The following SP1 variants were observed in gnomAD, a reference collection of about 807,000 sequenced individuals.
SP1 encodes transcription factor Sp1.
A neutral mutation model predicts 66.3 loss-of-function variants in SP1; 6 were observed. The observed-to-expected ratio is 0.09, with a 90% CI of 0.05 to 0.18. The LOEUF is 0.18. Ranked by LOEUF, SP1 falls within the 10% of genes least tolerant of loss-of-function variation. SP1 has a pLI of 1.00. For synonymous variants in SP1, 417 were observed against 360.8 expected (o/e 1.16, Z -1.77); for missense variants, 848 against 964.5 (o/e 0.88, Z 1.60).
At chr12:53,391,169 C>T (rs748217819) in intron 3 of SP1, among the ~76,000 whole-genome samples, 19 of 151,982 alleles carry the variant, frequency 1.3e-4, no homozygotes, top group South Asian at 2.1e-4. Context: ...GAAAGTGTTA[C>T]AATAGTATTA....
intron 3 of SP1, among the ~76,000 whole-genome samples, chr12:53,395,782 A>G (rs946828920): frequency 1.3e-5 from 2 of 151,126 alleles, no homozygotes; most frequent in African/African-American, 4.9e-5. Flanking sequence ...CCTGGCTAAC[A>G]TGGTGAAACC....
rs1271235684 is a variant in SP1, at chr12:53,382,992, A to G, written c.1045A>G (p.Thr349Ala). Residue 349 changes from threonine (T) to alanine (A), a missense_variant, in exon 3 of 6, where the codon ACC (threonine) becomes GCC (alanine). Coordinates refer to ENST00000327443, the MANE Select transcript of SP1 (RefSeq NM_138473.3). ...CTTTACTACCAGTGGATCATCAGGG[A>G]CCAACTCTCAAGGCCAGACACCCCA... is the stretch of plus-strand genomic sequence containing the variant. ...MNFTTSGSSGTNSQGQTPQRV... is the reference protein window; with the variant it reads ...MNFTTSGSSGANSQGQTPQRV... 1 of 1,614,058 alleles carries G rather than the reference A, an allele frequency of 6.2e-7. No individual in the cohort carries two copies. The highest frequency in any genetic ancestry group is 1.7e-5 in the Admixed American group (1 of 59,988).
chr12:53,400,621 C>T (rs945972490), intron 3 of SP1, among the ~76,000 whole-genome samples: 3 of 151,902 alleles, frequency 2.0e-5, no homozygotes, highest in African/African-American at 7.3e-5. Flanking sequence ...TGAGACAGAG[C>T]CTTGCTCCGT....
At chr12:53,380,359 G>GA in intron 1 of SP1, 61 bp downstream of exon 1, 1 of 1,364,472 alleles carries the variant, frequency 7.3e-7, no homozygotes, top group Non-Finnish European at 9.7e-7. Context: ...GCGCGCGAGG[G>GA]CCGACCGGGC....
Position 53,411,083 on chromosome 12 carries a change from G to A in SP1, c.2201G>A (p.Gly734Asp), listed in dbSNP as rs573374075. The A allele has an allele frequency of 1.2e-6, 2 of 1,614,186 alleles. No homozygotes were observed. Among genetic ancestry groups the A allele is most frequent in the South Asian group, 2.2e-5 (2 of 91,078 alleles). ...CTGGACAGTGGGGCAGGTTCAGAAG[G>A]CAGTGGCACTGCCACTCCTTCAGCC... ...LPLDSGAGSEGSGTATPSALI... is the reference protein window; with the variant it reads ...LPLDSGAGSEDSGTATPSALI... Residue 734 changes from glycine to aspartate, a missense_variant, in exon 6 of 6, where the codon GGC (glycine) becomes GAC (aspartate). By Grantham distance (94) the Gly-to-Asp change is moderately conservative. This residue lies in a region of SP1 where 73 missense variants were observed against 91.9 expected (regional missense o/e 0.79). Transcript: ENST00000327443.
At chr12:53,406,912 C>T (rs1188256069) in intron 4 of SP1, among the ~76,000 whole-genome samples, 159 bp downstream of exon 4, 1 of 151,816 alleles carries the variant, frequency 6.6e-6, no homozygotes, top group African/African-American at 2.4e-5. Context: ...GCAAACTCCA[C>T]CTCCTGGGTT....
Position 53,411,704 on chromosome 12 carries a change from G to T in SP1, c.*464G>T, listed in dbSNP as rs1251365746. The T allele has an allele frequency of 6.7e-6, 1 of 149,546 alleles. No individual in the cohort carries two copies. The highest frequency in any genetic ancestry group is 1.9e-4 in the East Asian group (1 of 5,130). The allele number at this position is 149,546 out of a possible 1,614,324, so 9.3% of individuals were successfully genotyped here. On this transcript the variant is annotated 3_prime_UTR_variant, in exon 6 of 6. Transcript: ENST00000327443. Reference sequence around the variant, plus strand: ...GATATATAGAGATGCATTCACAGGGGTTGGCTGGGAGGAGGAAGACCATTC... The same window carrying T: ...GATATATAGAGATGCATTCACAGGGTTTGGCTGGGAGGAGGAAGACCATTC...
At chr12:53,380,904 T>C (rs928448637) in intron 1 of SP1, among the ~76,000 whole-genome samples, 6 of 151,728 alleles carry the variant, frequency 4.0e-5, no homozygotes, top group Non-Finnish European at 8.8e-5. Flanking sequence ...TTTTACTTCT[T>C]TTTCCCCTCT....
Position 53,380,178 on chromosome 12 carries a change from C to T in SP1, c.-114C>T, listed in dbSNP as rs1361659508. 8.1e-6 allele frequency: 6 copies of T among 742,298 alleles called. No homozygotes were observed. Among genetic ancestry groups the T allele is most frequent in the South Asian group, 1.5e-5 (1 of 67,976 alleles). 46.0% of individuals were successfully genotyped at this position (742,298 alleles called of 1,614,324 possible). ...TGGCGCGCTGCTCCCTCCTCCTTAC[C>T]CCCCCCTCCCTGTCCGGTCCGGGTT... is the stretch of plus-strand genomic sequence containing the variant. On this transcript the variant is annotated 5_prime_UTR_variant, in exon 1 of 6. Coordinates refer to ENST00000327443, the MANE Select transcript of SP1 (RefSeq NM_138473.3).
intron 3 of SP1, among the ~76,000 whole-genome samples, chr12:53,385,074 C>A (rs1378163596): frequency 6.6e-6 from 1 of 150,924 alleles, no homozygotes; most frequent in Non-Finnish European, 1.5e-5. Context: ...GTGGGTGGGT[C>A]ACCTGAGGTC....
chr12:53,382,293 G>C lies in SP1; in HGVS notation c.346G>C (p.Ala116Pro). The change falls in exon 3 of 6, where the codon GCT becomes CCT. Residue 116 changes from alanine (A) to proline (P), a missense_variant. This residue lies in a region of SP1 where 606 missense variants were observed against 589.9 expected (regional missense o/e 1.03). Transcript: ENST00000327443. ...GCAGATCATCTCTTCCTCCTCTGGG[G>C]CTACCCCTACCTCAAAGGAACAGAG... ...GWQIISSSSGATPTSKEQSGS... is the reference protein window; with the variant it reads ...GWQIISSSSGPTPTSKEQSGS... 6.2e-7 allele frequency: 1 copy of C among 1,614,154 alleles called. No homozygotes were observed. Among genetic ancestry groups the C allele is most frequent in the Non-Finnish European group, 8.5e-7 (1 of 1,180,008 alleles).
In SP1 at chr12:53,381,280, C is replaced by T. The variant is rs991833118; in HGVS notation, c.8-379C>T. The T allele has an allele frequency of 1.0e-4, 16 of 159,742 alleles. No individual in the cohort carries two copies. The South Asian group carries it at 1.3e-3, about 13-fold the overall frequency. 9.9% of individuals were successfully genotyped at this position (159,742 alleles called of 1,614,324 possible). A position where few individuals can be genotyped will look rare whatever the true frequency, so the allele number is the denominator to read the frequency against. Reference sequence around the variant, plus strand: ...CCATCTCTTTTAAACTTAATTTTAGCAAGCTTTCCATGCACCCACATGTTG... The same window carrying T: ...CCATCTCTTTTAAACTTAATTTTAGTAAGCTTTCCATGCACCCACATGTTG... On this transcript the variant is annotated intron_variant, in intron 1 of 5. Transcript: ENST00000327443.
chr12:53,390,931 A>C (rs1254540139), intron 3 of SP1, among the ~76,000 whole-genome samples: 2 of 152,180 alleles, frequency 1.3e-5, no homozygotes, highest in Non-Finnish European at 2.9e-5. Context: ...CATTTTGTAA[A>C]GTAGCATGTA....
chr12:53,384,951 C>T (rs1480651518), intron 3 of SP1, among the ~76,000 whole-genome samples: 19 of 150,586 alleles, frequency 1.3e-4, no homozygotes, highest in Admixed American at 7.3e-4. Flanking sequence ...CACCACTGCA[C>T]TCCAGCCTGG....
At chr12:53,410,083 G>A (rs180899246) in intron 5 of SP1, among the ~76,000 whole-genome samples, 2 of 151,932 alleles carry the variant, frequency 1.3e-5, no homozygotes, top group African/African-American at 4.8e-5. Context: ...GAGGTGGGTG[G>A]ATTTCTTGAG....
At chr12:53,397,325 C>T (rs1268050080) in intron 3 of SP1, among the ~76,000 whole-genome samples, 1 of 151,696 alleles carries the variant, frequency 6.6e-6, no homozygotes, top group Non-Finnish European at 1.5e-5. Context: ...ACCCTGGTTT[C>T]ACTAAAGTAC....
chr12:53,394,088 G>T (rs968726694), intron 3 of SP1, among the ~76,000 whole-genome samples: 2 of 151,936 alleles, frequency 1.3e-5, no homozygotes, highest in Non-Finnish European at 2.9e-5. Flanking sequence ...GGTGATGCAT[G>T]CCTGTAATCT....
At chr12:53,403,999 G>A (rs914809141) in intron 3 of SP1, among the ~76,000 whole-genome samples, 18 of 149,668 alleles carry the variant, frequency 1.2e-4, no homozygotes, top group South Asian at 2.1e-4. Flanking sequence ...GTGAAACCCC[G>A]TCTCTACTAA....
At chr12:53,407,467 GGC>G (rs1938770868) in intron 4 of SP1, among the ~76,000 whole-genome samples, 1 of 148,964 alleles carries the variant, frequency 6.7e-6, no homozygotes. Flanking sequence ...TGGGACTACA[GGC>G]GTGTGCCACC....
Sources: gnomAD v4.1 joint callset for allele counts (sites outside exome capture counted in the v4.1 genomes callset) on GRCh38, gnomAD v4.1.1 for gene constraint, gnomAD v4.1.1 regional missense constraint, MANE v1.5 for transcripts, NCBI Gene and HGNC (gene_info 2026-07-23, HGNC 2026-07-21) for gene names.